Variants in CACNA2D3 observed in about 807,000 individuals in gnomAD.
The protein encoded by CACNA2D3 is voltage-dependent calcium channel subunit alpha-2/delta-3.
CACNA2D3 carries 60 observed loss-of-function variants against 160.6 expected under a neutral mutation model. The observed-to-expected ratio is 0.37, with a 90% CI of 0.30 to 0.46. The LOEUF (loss-of-function observed/expected upper bound fraction) is 0.46. Ranked by LOEUF, CACNA2D3 falls within the 20% of genes least tolerant of loss-of-function variation. CACNA2D3 has a pLI of 1.00. For synonymous variants in CACNA2D3, 558 were observed against 492.9 expected, an observed-to-expected ratio of 1.13 and a Z score of -1.75; for missense variants, 1,205 against 1,365.0, an observed-to-expected ratio of 0.88 and a Z score of 1.85.
intron 5 of CACNA2D3, among the ~76,000 whole-genome samples, chr3:54,555,711 G>A (rs139421133): frequency 2.7e-4 from 41 of 152,246 alleles, no homozygotes; most frequent in Admixed American, 8.5e-4. Context: ...TGTCTCGGAA[G>A]GTAGAGGAAA....
At chr3:54,464,679 C>G (rs1228450613) in intron 4 of CACNA2D3, among the ~76,000 whole-genome samples, 2 of 152,234 alleles carry the variant, frequency 1.3e-5, no homozygotes, top group African/African-American at 4.8e-5. Context: ...CCGTCTGTCA[C>G]CCCTTTCTTT....
rs937387707 is a variant in CACNA2D3, at chr3:54,675,450, T to C, written c.1167+33209T>C. 2.6e-5 allele frequency among the ~76,000 whole-genome samples: 4 copies of C among 152,236 alleles called. No homozygotes were observed. In the East Asian group the frequency reaches 7.7e-4, roughly 29 times the overall value. On this transcript the variant is annotated intron_variant, in intron 11 of 37. Coordinates refer to ENST00000474759, the MANE Select transcript of CACNA2D3 (RefSeq NM_018398.3). ...AGGGCTGACCTGAAGGGCCTGACCT[T>C]TTCTGTTGACAGAGGAAAAAAGTGG...
intron 4 of CACNA2D3, among the ~76,000 whole-genome samples, chr3:54,400,095 G>A (rs866554513): frequency 3.9e-4 from 55 of 140,892 alleles, no homozygotes; most frequent in Non-Finnish European, 7.4e-4. Context: ...TCTTTGACTC[G>A]GAAAGGGAAC....
At chr3:54,469,970 G>A (rs887321817) in intron 4 of CACNA2D3, among the ~76,000 whole-genome samples, 1 of 152,196 alleles carries the variant, frequency 6.6e-6, no homozygotes, top group Admixed American at 6.5e-5. Flanking sequence ...GTACCTGAAA[G>A]TGATGGGGAG....
intron 2 of CACNA2D3, among the ~76,000 whole-genome samples, chr3:54,158,918 T>C (rs1215921796): frequency 6.6e-6 from 1 of 152,220 alleles, no homozygotes; most frequent in Non-Finnish European, 1.5e-5. Context: ...AAATTAAGTA[T>C]TGTCGTATGA....
At chr3:54,240,499 C>T (rs557053284) in intron 2 of CACNA2D3, among the ~76,000 whole-genome samples, 22 of 152,116 alleles carry the variant, frequency 1.4e-4, no homozygotes, top group Non-Finnish European at 3.1e-4. Context: ...GGCACCTACT[C>T]GGAATGCTAA....
chr3:54,778,112 G>A (rs1043406743), intron 13 of CACNA2D3, among the ~76,000 whole-genome samples: 1 of 152,150 alleles, frequency 6.6e-6, no homozygotes, highest in African/African-American at 2.4e-5. Flanking sequence ...CAAAGGGGAA[G>A]CAGGCACGTC....
At chr3:54,878,561 A>G (rs13064745) in intron 18 of CACNA2D3, 25,614 of 151,000 alleles carry the variant, frequency 0.17, 2,770 homozygotes, top group Non-Finnish European at 0.25. Flanking sequence ...CTGTCTTCCA[A>G]ATGCTTGGCC....
intron 9 of CACNA2D3, among the ~76,000 whole-genome samples, chr3:54,606,922 C>A (rs562699957): frequency 2.0e-5 from 3 of 152,288 alleles, no homozygotes; most frequent in African/African-American, 4.8e-5. Context: ...TGCAGATATT[C>A]GCTTCATGCT....
intron 2 of CACNA2D3, among the ~76,000 whole-genome samples, chr3:54,222,305 C>G (rs1701588908): frequency 6.6e-6 from 1 of 152,136 alleles, no homozygotes. Context: ...TTTCTGAATG[C>G]TAGTAGGCTT....
intron 9 of CACNA2D3, among the ~76,000 whole-genome samples, chr3:54,599,609 G>C (rs564904731): frequency 4.0e-5 from 6 of 150,456 alleles, no homozygotes; most frequent in East Asian, 1.9e-4. Context: ...TTAATAAGGT[G>C]GGGGGGAGGA....
rs1439939345 is a variant in CACNA2D3, at chr3:54,885,404, G to T, written c.1958+78G>T. 3.7e-6 allele frequency: 6 copies of T among 1,602,620 alleles called. No individual in the cohort carries two copies. The East Asian group carries it at 1.3e-4, about 36-fold the overall frequency. On this transcript the variant is annotated intron_variant, in intron 22 of 37. Transcript: ENST00000474759. The stretch of plus-strand genomic sequence containing the variant: ...GATTCCACATGGTTTGTGCTCCCTT[G>T]CCCAGTTTTCCTGATTCCAAGGCAA...
chr3:54,795,174 A>T (rs1391171517), intron 13 of CACNA2D3, among the ~76,000 whole-genome samples: 1 of 151,580 alleles, frequency 6.6e-6, no homozygotes, highest in Admixed American at 6.6e-5. Flanking sequence ...CCTTTGTTAG[A>T]CCCATACAGT....
At chr3:54,861,109 A>G (rs1699282029) in intron 17 of CACNA2D3, among the ~76,000 whole-genome samples, 1 of 152,100 alleles carries the variant, frequency 6.6e-6, no homozygotes. Context: ...GATGCTTAGG[A>G]CCTAGTAGGG....
chr3:54,919,971 C>T (rs2360661), intron 27 of CACNA2D3, among the ~76,000 whole-genome samples: 90,109 of 152,022 alleles, frequency 0.59, 26,991 homozygotes, highest in East Asian at 0.76. Flanking sequence ...GGATGGCCCT[C>T]GGCACTGTCT....
intron 27 of CACNA2D3, among the ~76,000 whole-genome samples, chr3:54,916,383 A>G (rs1338708712): frequency 6.6e-6 from 1 of 152,222 alleles, no homozygotes; most frequent in East Asian, 1.9e-4. Flanking sequence ...ATATTGAGCC[A>G]TGTCCACTGA....
At chr3:54,419,695 A>T (rs1699808693) in intron 4 of CACNA2D3, among the ~76,000 whole-genome samples, 1 of 152,200 alleles carries the variant, frequency 6.6e-6, no homozygotes, top group African/African-American at 2.4e-5. Flanking sequence ...AGTTTCCAGG[A>T]GCACCTCCAT....
chr3:54,266,803 C>T (rs888441691), intron 2 of CACNA2D3, among the ~76,000 whole-genome samples: 14 of 152,216 alleles, frequency 9.2e-5, no homozygotes, highest in African/African-American at 3.1e-4. Context: ...GCTTACTCCA[C>T]CATCACTCAG....
At chr3:54,943,975 T>G (rs964761794) in intron 27 of CACNA2D3, among the ~76,000 whole-genome samples, 1 of 152,206 alleles carries the variant, frequency 6.6e-6, no homozygotes, top group Admixed American at 6.5e-5. Flanking sequence ...TCTGAAAAGG[T>G]CTTCATTCCA....
Sources: gnomAD v4.1 joint callset for allele counts (sites outside exome capture counted in the v4.1 genomes callset) on GRCh38, gnomAD v4.1.1 for gene constraint, MANE v1.5 for transcripts, NCBI Gene and HGNC (gene_info 2026-07-23, HGNC 2026-07-21) for gene names.